The following RPS6KC1 variants were observed in gnomAD, a reference collection of about 807,000 sequenced individuals.
RPS6KC1 encodes the protein ribosomal protein S6 kinase C1.
RPS6KC1 carries 54 observed loss-of-function variants against 103.8 expected under a neutral mutation model. The ratio of observed to expected loss-of-function variants is 0.52; its 90% CI spans 0.42 to 0.65. RPS6KC1 has a LOEUF of 0.65. Among genes scored for constraint, RPS6KC1 ranks in the 30% least tolerant of loss-of-function variants. RPS6KC1 has a pLI of 0.00. For synonymous variants in RPS6KC1, 439 were observed against 438.7 expected, an observed-to-expected ratio of 1.00 and a Z score of -0.01; for missense variants, 1,151 against 1,253.8, an observed-to-expected ratio of 0.92 and a Z score of 1.24.
the RPS6KC1 span, among the ~76,000 whole-genome samples, chr1:213,384,277 A>G: frequency 2.8e-5 from 4 of 142,876 alleles, no homozygotes; most frequent in Non-Finnish European, 5.9e-5. Flanking sequence ...CTCCATCTCA[A>G]AAAAAAATAT....
At chr1:213,636,485 T>A in the RPS6KC1 span, among the ~76,000 whole-genome samples, 1 of 152,284 alleles carries the variant, frequency 6.6e-6, no homozygotes, top group East Asian at 1.9e-4. Context: ...CTCTGATCTT[T>A]GACAATCTGA....
the RPS6KC1 span, among the ~76,000 whole-genome samples, chr1:213,459,491 A>G: frequency 6.6e-6 from 1 of 151,460 alleles, no homozygotes; most frequent in South Asian, 2.1e-4. Flanking sequence ...TTTCTTCTAT[A>G]TTAGTTTGGC....
At chr1:213,738,164 T>A in the RPS6KC1 span, among the ~76,000 whole-genome samples, 1 of 152,244 alleles carries the variant, frequency 6.6e-6, no homozygotes, top group Non-Finnish European at 1.5e-5. Flanking sequence ...CACACATATA[T>A]ATATTCAGTT....
At chr1:213,314,383 A>G in the RPS6KC1 span, among the ~76,000 whole-genome samples, 1 of 152,200 alleles carries the variant, frequency 6.6e-6, no homozygotes, top group African/African-American at 2.4e-5. Context: ...CCACCCTACC[A>G]GTAAATTGTA....
At chr1:213,506,477 A>G in the RPS6KC1 span, among the ~76,000 whole-genome samples, 2 of 152,236 alleles carry the variant, frequency 1.3e-5, no homozygotes, top group African/African-American at 2.4e-5. Flanking sequence ...TTAAATAACA[A>G]TCATTGAAAG....
At chr1:213,577,242 T>A in the RPS6KC1 span, among the ~76,000 whole-genome samples, 12 of 152,352 alleles carry the variant, frequency 7.9e-5, no homozygotes, top group South Asian at 1.9e-3. Context: ...TCTTGCCCAC[T>A]GCCATGTAAA....
At chr1:213,731,079 G>A in the RPS6KC1 span, among the ~76,000 whole-genome samples, 1 of 152,098 alleles carries the variant, frequency 6.6e-6, no homozygotes, top group Non-Finnish European at 1.5e-5. Context: ...GATAGTTGTA[G>A]GTATGCAGTC....
the RPS6KC1 span, among the ~76,000 whole-genome samples, chr1:213,826,664 T>C: frequency 6.6e-6 from 1 of 152,192 alleles, no homozygotes; most frequent in African/African-American, 2.4e-5. Flanking sequence ...TCATAGATTA[T>C]CCAGAGGTAG....
chr1:213,077,851 ATAAT>A lies in RPS6KC1; in HGVS notation c.262+41_262+44del, dbSNP rs759891753. ...TATTTTGAAATTGTAATTTAAAAAA[ATAAT>A]TAATTTTGTATATATACTGAACTCT... On this transcript the variant is annotated intron_variant, in intron 3 of 14. Coordinates refer to ENST00000366960, the MANE Select transcript of RPS6KC1 (RefSeq NM_012424.6). 17 of 1,329,832 alleles carry A rather than the reference ATAAT, an allele frequency of 1.3e-5. No homozygotes were observed. In the South Asian group the frequency reaches 2.5e-4, roughly 19 times the overall value. The allele number at this position is 1,329,832 out of a possible 1,614,324, so 82.4% of individuals were successfully genotyped here.
At chr1:213,118,730 C>T (rs2083997305) in intron 5 of RPS6KC1, among the ~76,000 whole-genome samples, 2 of 151,998 alleles carry the variant, frequency 1.3e-5, no homozygotes, top group African/African-American at 4.8e-5. Flanking sequence ...GACTTAGCAT[C>T]TATTTATTTA....
intron 6 of RPS6KC1, among the ~76,000 whole-genome samples, chr1:213,152,113 T>A (rs1357656745): frequency 9.4e-6 from 1 of 106,216 alleles, no homozygotes; most frequent in African/African-American, 3.8e-5. Context: ...GGCTCCTCAC[T>A]TCCCAGTAGG....
chr1:213,080,616 T>A (rs2079783500), intron 3 of RPS6KC1, among the ~76,000 whole-genome samples: 2 of 152,146 alleles, frequency 1.3e-5, no homozygotes, highest in Admixed American at 1.3e-4. Flanking sequence ...TCTGTCACCC[T>A]GGGTGGAGTG....
chr1:213,268,511 A>C (rs2094962415), intron 14 of RPS6KC1, among the ~76,000 whole-genome samples: 1 of 150,324 alleles, frequency 6.7e-6, no homozygotes, highest in Admixed American at 6.6e-5. Context: ...TGTAGATATG[A>C]GTTCATAGAA....
the RPS6KC1 span, among the ~76,000 whole-genome samples, chr1:213,799,139 G>T: frequency 6.6e-6 from 1 of 152,126 alleles, no homozygotes; most frequent in Non-Finnish European, 1.5e-5. Flanking sequence ...CCTTCTGTCC[G>T]CCCTCCTGTC....
the RPS6KC1 span, among the ~76,000 whole-genome samples, chr1:213,410,261 T>A: frequency 6.6e-6 from 1 of 151,400 alleles, no homozygotes; most frequent in African/African-American, 2.4e-5. Flanking sequence ...AAGTGACGGA[T>A]GGAATGTGGC....
chr1:213,661,350 C>T, the RPS6KC1 span, among the ~76,000 whole-genome samples: 1 of 152,278 alleles, frequency 6.6e-6, no homozygotes, highest in East Asian at 1.9e-4. Context: ...TGTGCTGGGG[C>T]GATCTTGCCT....
chr1:213,622,586 C>T, the RPS6KC1 span, among the ~76,000 whole-genome samples: 1 of 152,152 alleles, frequency 6.6e-6, no homozygotes, highest in African/African-American at 2.4e-5. Context: ...GACTCCTGAG[C>T]TGCCCTTTCC....
At chr1:213,154,894 C>T (rs1391317004) in intron 6 of RPS6KC1, among the ~76,000 whole-genome samples, 2 of 152,230 alleles carry the variant, frequency 1.3e-5, no homozygotes, top group African/African-American at 2.4e-5. Context: ...CTCACAGGCT[C>T]GCCTGAAGCC....
chr1:213,557,294 C>T, the RPS6KC1 span, among the ~76,000 whole-genome samples: 1 of 152,300 alleles, frequency 6.6e-6, no homozygotes. Context: ...AGTTTCCAGG[C>T]CTGGCATCAC....
Sources: gnomAD v4.1 joint callset for allele counts (sites outside exome capture counted in the v4.1 genomes callset) on GRCh38, gnomAD v4.1.1 for gene constraint, MANE v1.5 for transcripts, NCBI Gene and HGNC (gene_info 2026-07-23, HGNC 2026-07-21) for gene names.